Variants in GATAD1 observed in about 807,000 individuals in gnomAD.
The protein encoded by GATAD1 is GATA zinc finger domain-containing protein 1.
A neutral mutation model predicts 26.5 loss-of-function variants in GATAD1; 12 were observed. That is an observed-to-expected ratio of 0.45 (90% CI 0.29 to 0.73). GATAD1 has a LOEUF of 0.73. GATAD1 is among the 30% of genes least tolerant of loss of function. The pLI is 0.10. For synonymous variants in GATAD1, 129 were observed against 133.1 expected, an observed-to-expected ratio of 0.97 and a Z score of 0.21; for missense variants, 266 against 342.1, an observed-to-expected ratio of 0.78 and a Z score of 1.75.
chr7:92,488,121 A>G, the GATAD1 span, among the ~76,000 whole-genome samples: 2 of 152,234 alleles, frequency 1.3e-5, no homozygotes, highest in Non-Finnish European at 2.9e-5. Flanking sequence ...ACATTTAAAA[A>G]CAATAAAGTA....
At chr7:92,449,059 A>G (rs1789303020) in intron 2 of GATAD1, 182 bp downstream of exon 2, 17 of 1,050,368 alleles carry the variant, frequency 1.6e-5, no homozygotes, top group Middle Eastern at 3.1e-4. Flanking sequence ...CTGTTTATAA[A>G]GTTAATAATA....
In GATAD1 at chr7:92,456,844, A is replaced by G. The variant is rs1418480767; in HGVS notation, c.*282A>G. 1 of 305,824 alleles carries G rather than the reference A, an allele frequency of 3.3e-6. No homozygotes were observed. Among genetic ancestry groups the G allele is most frequent in the African/African-American group, 2.2e-5 (1 of 46,352 alleles). The allele number at this position is 305,824 out of a possible 1,614,324, so 18.9% of individuals were successfully genotyped here. A position where few individuals can be genotyped will look rare whatever the true frequency, so the allele number is the denominator to read the frequency against. On this transcript the variant is annotated 3_prime_UTR_variant, in exon 5 of 5. Transcript: ENST00000287957. ...TTTATTACTGGTCACTTAGAAAATTAAAAGGGATAGGGCCAGGCACAGTGG... is the reference window on the plus strand; with the variant it reads ...TTTATTACTGGTCACTTAGAAAATTGAAAGGGATAGGGCCAGGCACAGTGG...
chr7:92,494,470 G>A, the GATAD1 span: 5 of 1,612,482 alleles, frequency 3.1e-6, no homozygotes, highest in Non-Finnish European at 3.4e-6. Flanking sequence ...TTCTATTTCT[G>A]TATTTATAAT....
chr7:92,453,938 C>A (rs1397102768), intron 3 of GATAD1: 3 of 155,270 alleles, frequency 1.9e-5, no homozygotes, highest in Admixed American at 1.3e-4. Context: ...TTGTATGATA[C>A]TATAATGGTG....
the GATAD1 span, chr7:92,470,018 C>G: frequency 2.6e-4 from 203 of 778,788 alleles, 3 homozygotes; most frequent in African/African-American, 3.1e-3. Context: ...CTTGCCTGAT[C>G]TTGAACTCCA....
chr7:92,460,287 G>A (rs1433035437), downstream of GATAD1, among the ~76,000 whole-genome samples: 2 of 152,184 alleles, frequency 1.3e-5, no homozygotes, highest in Non-Finnish European at 2.9e-5. Context: ...AGGCATTTTT[G>A]TGGATTTTGT....
the GATAD1 span, among the ~76,000 whole-genome samples, chr7:92,491,825 A>G: frequency 4.6e-5 from 7 of 152,188 alleles, no homozygotes; most frequent in African/African-American, 1.7e-4. Flanking sequence ...TGATGAATCA[A>G]CCATGTTATA....
chr7:92,487,099 A>G, the GATAD1 span: 1 of 160,732 alleles, frequency 6.2e-6, no homozygotes, highest in Non-Finnish European at 1.4e-5. Context: ...AATGCTACAA[A>G]GGTGATGAAT....
the GATAD1 span, among the ~76,000 whole-genome samples, chr7:92,481,156 A>C: frequency 3.5e-3 from 533 of 152,322 alleles, 5 homozygotes; most frequent in African/African-American, 8.2e-3. Context: ...AACTGCCGTC[A>C]GTAAACCAAA....
intron 3 of GATAD1, among the ~76,000 whole-genome samples, chr7:92,451,901 G>C (rs1392078013): frequency 9.9e-5 from 15 of 152,200 alleles, no homozygotes; most frequent in Admixed American, 9.8e-4. Context: ...ATGGAGTGAG[G>C]CAGTCTCATG....
chr7:92,448,526 C>G (rs111927502), intron 1 of GATAD1, among the ~76,000 whole-genome samples: 98 of 152,278 alleles, frequency 6.4e-4, no homozygotes, highest in African/African-American at 2.3e-3. Context: ...TTTGGAGGCT[C>G]TGGAGACGCC....
At chr7:92,487,479 C>T in the GATAD1 span, 10 of 1,591,198 alleles carry the variant, frequency 6.3e-6, no homozygotes, top group East Asian at 2.2e-4. Flanking sequence ...TACTTTCTGT[C>T]CAGGTCGAAA....
rs199766577 is a variant in GATAD1, at chr7:92,456,448, A to C, written c.696A>C (p.Ser232=). The change falls in exon 5 of 5, where the codon TCA becomes TCC. Residue 232 remains serine, a synonymous_variant. Transcript: ENST00000287957. ...VCHAPSEYFK[S]RSSPFPTVPT... ...ATGCACCTTCTGAGTATTTCAAGTC[A>C]CGGTCATCACCATTTCCCACAGTTC... 6.2e-7 allele frequency: 1 copy of C among 1,612,338 alleles called. No homozygotes were observed. Among genetic ancestry groups the C allele is most frequent in the Non-Finnish European group, 8.5e-7 (1 of 1,178,354 alleles).
the GATAD1 span, chr7:92,492,928 A>G: frequency 4.4e-6 from 7 of 1,584,556 alleles, no homozygotes; most frequent in African/African-American, 8.1e-5. Context: ...ATAAAATGTC[A>G]TAACAACTTC....
the GATAD1 span, among the ~76,000 whole-genome samples, chr7:92,482,700 A>T: frequency 3.9e-5 from 6 of 152,036 alleles, no homozygotes; most frequent in Non-Finnish European, 7.4e-5. Context: ...CGGCAAGGAG[A>T]TGTGGCTGTA....
At chr7:92,479,745 A>G in the GATAD1 span, among the ~76,000 whole-genome samples, 1 of 152,120 alleles carries the variant, frequency 6.6e-6, no homozygotes, top group African/African-American at 2.4e-5. Context: ...AGAGTGGGAG[A>G]GATTAAGCTG....
At chr7:92,471,711 C>T in the GATAD1 span, 5 of 152,226 alleles carry the variant, frequency 3.3e-5, no homozygotes, top group Admixed American at 2.0e-4. Flanking sequence ...CTGATGACCC[C>T]GGCAGTGTAA....
the GATAD1 span, chr7:92,471,554 T>A: frequency 6.6e-6 from 1 of 152,278 alleles, no homozygotes; most frequent in South Asian, 2.1e-4. Context: ...TTTCTCCTGC[T>A]GAGTACTGGG....
At chr7:92,463,778 G>C (rs1790009134), downstream of GATAD1, among the ~76,000 whole-genome samples, 1 of 152,064 alleles carries the variant, frequency 6.6e-6, no homozygotes, top group Admixed American at 6.6e-5. Flanking sequence ...GGACCAGCCT[G>C]GCCAACGTGG....
Sources: allele counts gnomAD v4.1 joint callset (sites outside exome capture counted in the v4.1 genomes callset), GRCh38; gene constraint gnomAD v4.1.1; transcripts MANE v1.5; gene names NCBI Gene and HGNC (gene_info 2026-07-23, HGNC 2026-07-21).